Variants in KMT2C observed in about 807,000 individuals in gnomAD.
KMT2C encodes lysine methyltransferase 2C, also known as histone-lysine N-methyltransferase 2C.
A neutral mutation model predicts 507.9 loss-of-function variants in KMT2C; 88 were observed. The observed-to-expected ratio is 0.17, with a 90% CI of 0.15 to 0.21. The LOEUF is 0.21. Among genes scored for constraint, KMT2C ranks in the 10% least tolerant of loss-of-function variants. The pLI is 1.00. For missense variants in KMT2C, 4,954 were observed against 5,957.8 expected, an observed-to-expected ratio of 0.83 and a Z score of 5.55; for synonymous variants, 2,049 against 2,080.8, an observed-to-expected ratio of 0.98 and a Z score of 0.42.
chr7:152,198,681 C>G (rs60740028), intron 27 of KMT2C, among the ~76,000 whole-genome samples: 1 of 151,994 alleles, frequency 6.6e-6, no homozygotes, highest in African/African-American at 2.4e-5. Context: ...GGTTCTCAAC[C>G]GGGGGTGATT....
rs780053183 is a variant in KMT2C, at chr7:152,154,162, A to G, written c.12140-16T>C. 10 of 1,612,596 alleles carry G rather than the reference A, an allele frequency of 6.2e-6. No homozygotes were observed. Among genetic ancestry groups the G allele is most frequent in the Non-Finnish European group, 8.5e-6 (10 of 1,179,586 alleles). On this transcript the variant is annotated splice_polypyrimidine_tract_variant and intron_variant, in intron 47 of 58. Coordinates refer to ENST00000262189, the MANE Select transcript of KMT2C (RefSeq NM_170606.3). ...GATTCTGAACCTTTAAAAAGAGAGA[A>G]AAAAAAGAGGAAAATAGTGTTAATG...
intron 31 of KMT2C, 80 bp from the exon 32 acceptor site, chr7:152,187,927 A>G: frequency 1.4e-6 from 2 of 1,406,094 alleles, no homozygotes; most frequent in South Asian, 1.2e-5. Flanking sequence ...CTTGAACAAC[A>G]TGGTTTTTAA....
At chr7:152,200,891 G>A (rs1588149163) in intron 26 of KMT2C, among the ~76,000 whole-genome samples, 2 of 152,206 alleles carry the variant, frequency 1.3e-5, no homozygotes, top group Admixed American at 1.3e-4. Context: ...TATCTGATTT[G>A]AAATGTTCAC....
intron 27 of KMT2C, 131 bp downstream of exon 27, chr7:152,199,148 A>C (rs1244320151): frequency 3.0e-6 from 2 of 677,486 alleles, no homozygotes; most frequent in East Asian, 6.2e-5. Context: ...ACTGAATGTA[A>C]GTTATACTTC....
intron 7 of KMT2C, among the ~76,000 whole-genome samples, chr7:152,268,681 A>T (rs2095903383): frequency 6.6e-6 from 1 of 152,226 alleles, no homozygotes; most frequent in Non-Finnish European, 1.5e-5. Flanking sequence ...AAATATGTAC[A>T]TTTAAAAATT....
chr7:152,171,221 G>T, intron 40 of KMT2C, 43 bp downstream of exon 40: 3 of 1,351,282 alleles, frequency 2.2e-6, no homozygotes, highest in Non-Finnish European at 3.1e-6. Flanking sequence ...CTGGGAAACA[G>T]AAAAGCGTGC....
intron 1 of KMT2C, among the ~76,000 whole-genome samples, chr7:152,359,712 A>G (rs1375829056): frequency 3.3e-5 from 5 of 152,126 alleles, no homozygotes; most frequent in Non-Finnish European, 7.4e-5. Flanking sequence ...AAGAAAAAAT[A>G]CAAATCAACT....
chr7:152,331,793 C>T (rs2096886747), intron 2 of KMT2C, among the ~76,000 whole-genome samples: 3 of 151,622 alleles, frequency 2.0e-5, no homozygotes, highest in Admixed American at 1.3e-4. Flanking sequence ...GGATGACAGG[C>T]GCCCACCACC....
chr7:152,204,589 C>G (rs956923110), intron 25 of KMT2C, among the ~76,000 whole-genome samples: 5 of 123,288 alleles, frequency 4.1e-5, no homozygotes, highest in African/African-American at 1.6e-4. Context: ...ATAGTGAGAC[C>G]CCTAGATAGA....
rs2129114019 is a variant in KMT2C at position 152,176,993 on chromosome 7, A to T, written c.8460T>A (p.Asn2820Lys). Residue 2820 changes from asparagine (N) to lysine (K), a missense_variant, in exon 38 of 59, where the codon AAT (asparagine) becomes AAA (lysine). By Grantham distance (94) the Asn-to-Lys change is moderately conservative. Transcript: ENST00000262189. The part of the protein sequence containing the change: ...HSPQKKSTVT[N>K]EVKTEVLSPN... ...GAGACAGTACTTCCGTTTTTACCTC[A>T]TTGGTAACAGTGGATTTTTTCTGTG... 1 of 1,613,790 alleles carries T rather than the reference A, an allele frequency of 6.2e-7. No individual in the cohort carries two copies. Among genetic ancestry groups the T allele is most frequent in the Non-Finnish European group, 8.5e-7 (1 of 1,179,846 alleles).
rs1365391070 is a variant in KMT2C, at chr7:152,135,408, T to C, written c.*1424A>G. On this transcript the variant is annotated 3_prime_UTR_variant, in exon 59 of 59. Transcript: ENST00000262189. The stretch of plus-strand genomic sequence containing the variant: ...CAAACACAAAACAGTGTTTTTTTTA[T>C]TAAAGAAATGTAAACAAACAGTTCA... 9.2e-6 allele frequency: 2 copies of C among 217,150 alleles called. No homozygotes were observed. Among genetic ancestry groups the C allele is most frequent in the Non-Finnish European group, 1.9e-5 (2 of 107,724 alleles). 13.5% of individuals were successfully genotyped at this position (217,150 alleles called of 1,614,324 possible).
At chr7:152,235,116 A>G (rs770989346) in intron 16 of KMT2C, among the ~76,000 whole-genome samples, 11 of 151,854 alleles carry the variant, frequency 7.2e-5, no homozygotes, top group Admixed American at 2.0e-4. Flanking sequence ...GACGGATGGC[A>G]GGGGGAATGC....
intron 6 of KMT2C, among the ~76,000 whole-genome samples, chr7:152,290,279 TATATATATATATA>T (rs2096397700): frequency 2.8e-5 from 1 of 35,654 alleles, no homozygotes; most frequent in African/African-American, 1.4e-4. Context: ...TATATATATA[TATATATATATATA>T]TATTTTTTTT....
intron 2 of KMT2C, among the ~76,000 whole-genome samples, chr7:152,348,536 C>G (rs1208703132): frequency 7.2e-6 from 1 of 138,486 alleles, no homozygotes; most frequent in Non-Finnish European, 1.5e-5. Flanking sequence ...GAGGTGGAGG[C>G]TGCAGTGAGC....
At chr7:152,289,950 G>C (rs531594663) in intron 6 of KMT2C, among the ~76,000 whole-genome samples, 10 of 152,010 alleles carry the variant, frequency 6.6e-5, no homozygotes, top group African/African-American at 2.4e-4. Flanking sequence ...AGGAGGCTGA[G>C]GCATGAGCAT....
chr7:152,376,625 A>C (rs1421314914), intron 1 of KMT2C, among the ~76,000 whole-genome samples: 2 of 152,214 alleles, frequency 1.3e-5, no homozygotes, highest in Non-Finnish European at 2.9e-5. Flanking sequence ...AATTCTATGA[A>C]GGCTGAGAGA....
At chr7:152,231,401 T>C (rs1207245525) in intron 16 of KMT2C, among the ~76,000 whole-genome samples, 1 of 152,302 alleles carries the variant, frequency 6.6e-6, no homozygotes, top group African/African-American at 2.4e-5. Context: ...AACCTAAGCC[T>C]GGAAAGACAG....
intron 6 of KMT2C, 26 bp from the exon 7 acceptor site, chr7:152,273,893 T>C (rs542217613): frequency 1.2e-6 from 2 of 1,602,082 alleles, no homozygotes; most frequent in South Asian, 2.2e-5. Context: ...GAGAGAAATC[T>C]CTTTATAAAA....
chr7:152,376,941 T>G (rs1384672357), intron 1 of KMT2C, among the ~76,000 whole-genome samples: 1 of 152,156 alleles, frequency 6.6e-6, no homozygotes, highest in Non-Finnish European at 1.5e-5. Flanking sequence ...TCCCAGCACT[T>G]TGAGAGGCCA....
Sources: allele counts gnomAD v4.1 joint callset (sites outside exome capture counted in the v4.1 genomes callset), GRCh38; gene constraint gnomAD v4.1.1; transcripts MANE v1.5; gene names NCBI Gene and HGNC (gene_info 2026-07-23, HGNC 2026-07-21).